RAPGEF5: variants seen among roughly 807,000 people sequenced by gnomAD.
RAPGEF5 encodes M-Ras-regulated GEF.
A neutral mutation model predicts 125.2 loss-of-function variants in RAPGEF5; 65 were observed. The ratio of observed to expected loss-of-function variants is 0.52; its 90% CI spans 0.43 to 0.64. The LOEUF (loss-of-function observed/expected upper bound fraction) is 0.64. Among genes scored for constraint, RAPGEF5 ranks in the 30% least tolerant of loss-of-function variants. RAPGEF5 has a pLI of 0.00. For missense variants in RAPGEF5, 958 were observed against 1,048.1 expected, an observed-to-expected ratio of 0.91 and a Z score of 1.19; for synonymous variants, 391 against 385.9, an observed-to-expected ratio of 1.01 and a Z score of -0.16.
chr7:22,156,968 A>C, intron 15 of RAPGEF5, 80 bp from the exon 16 acceptor site: 1 of 1,559,486 alleles, frequency 6.4e-7, no homozygotes, highest in Non-Finnish European at 8.7e-7. Flanking sequence ...AATATGTTCC[A>C]AAAGAACTAG....
chr7:22,292,734 A>G (rs572169199), intron 5 of RAPGEF5, among the ~76,000 whole-genome samples: 1 of 152,334 alleles, frequency 6.6e-6, no homozygotes, highest in South Asian at 2.1e-4. Context: ...CAAGAGAACA[A>G]AACAAGGGCT....
intron 7 of RAPGEF5, among the ~76,000 whole-genome samples, chr7:22,265,114 T>C (rs1445074456): frequency 6.6e-6 from 1 of 152,226 alleles, no homozygotes; most frequent in South Asian, 2.1e-4. Context: ...ATCATTTGTA[T>C]TGAGAACATT....
At chr7:22,162,373 G>C (rs752067192) in intron 13 of RAPGEF5, 24 bp downstream of exon 13, 1 of 1,537,026 alleles carries the variant, frequency 6.5e-7, no homozygotes, top group South Asian at 1.1e-5. Context: ...TGGCATCAAA[G>C]AATATCTGGA....
chr7:22,124,861 C>G (rs1782688438), intron 25 of RAPGEF5, among the ~76,000 whole-genome samples: 1 of 152,094 alleles, frequency 6.6e-6, no homozygotes, highest in South Asian at 2.1e-4. Flanking sequence ...ATAAGTGAAT[C>G]TCTCTGAGTC....
chr7:22,316,607 C>G (rs1471472762), intron 2 of RAPGEF5, among the ~76,000 whole-genome samples: 1 of 150,622 alleles, frequency 6.6e-6, no homozygotes, highest in African/African-American at 2.4e-5. Context: ...CCTCCCACCT[C>G]AGCCTCCTAA....
At chr7:22,274,819 A>C (rs970432862) in intron 6 of RAPGEF5, among the ~76,000 whole-genome samples, 4 of 152,190 alleles carry the variant, frequency 2.6e-5, no homozygotes, top group Non-Finnish European at 4.4e-5. Flanking sequence ...CTCTGCAGTC[A>C]GACTAAATCA....
chr7:22,176,685 T>C (rs1012206418), intron 11 of RAPGEF5, among the ~76,000 whole-genome samples: 2 of 152,058 alleles, frequency 1.3e-5, no homozygotes, highest in East Asian at 1.9e-4. Context: ...CCCACCACCA[T>C]GCCCGGGTAA....
chr7:22,255,735 A>T (rs1463920648), intron 7 of RAPGEF5, among the ~76,000 whole-genome samples: 3 of 152,132 alleles, frequency 2.0e-5, no homozygotes, highest in African/African-American at 7.3e-5. Flanking sequence ...TTTATCCTAG[A>T]AAGAGAGAAA....
At chr7:22,292,096 G>A (rs181424023) in intron 5 of RAPGEF5, among the ~76,000 whole-genome samples, 4 of 152,312 alleles carry the variant, frequency 2.6e-5, no homozygotes, top group East Asian at 1.9e-4. Context: ...GACAGGGGGC[G>A]GAGGGGGGAT....
chr7:22,324,135 A>G (rs976477796), intron 1 of RAPGEF5, among the ~76,000 whole-genome samples: 1 of 152,252 alleles, frequency 6.6e-6, no homozygotes, highest in African/African-American at 2.4e-5. Context: ...ATTATCGCCT[A>G]TCATGAGACA....
intron 3 of RAPGEF5, 114 bp downstream of exon 3, chr7:22,315,256 C>A: frequency 2.4e-6 from 3 of 1,242,448 alleles, no homozygotes; most frequent in Non-Finnish European, 2.1e-6. Flanking sequence ...AACAAACAAA[C>A]CCTCCTACTA....
At chr7:22,141,494 C>A (rs1211355398) in intron 20 of RAPGEF5, among the ~76,000 whole-genome samples, 1 of 152,214 alleles carries the variant, frequency 6.6e-6, no homozygotes, top group East Asian at 1.9e-4. Flanking sequence ...GCAGGCCCTG[C>A]CTACACTGGC....
At chr7:22,205,127 A>C (rs1014394529) in intron 9 of RAPGEF5, among the ~76,000 whole-genome samples, 1 of 152,234 alleles carries the variant, frequency 6.6e-6, no homozygotes, top group African/African-American at 2.4e-5. Context: ...AGAAGGTCAA[A>C]ATCCTCACGT....
intron 1 of RAPGEF5, among the ~76,000 whole-genome samples, chr7:22,344,461 TGAG>T (rs1784186109): frequency 6.6e-6 from 1 of 151,836 alleles, no homozygotes; most frequent in Non-Finnish European, 1.5e-5. Context: ...GTGACGCGAT[TGAG>T]GAGGGACTGC....
chr7:22,175,300 G>A (rs1264204207), intron 11 of RAPGEF5, among the ~76,000 whole-genome samples: 2 of 152,086 alleles, frequency 1.3e-5, no homozygotes, highest in South Asian at 2.1e-4. Flanking sequence ...CTTGGTGAAT[G>A]GTGGGGGCAT....
chr7:22,201,845 A>C (rs1234267616), intron 9 of RAPGEF5, among the ~76,000 whole-genome samples: 3 of 152,314 alleles, frequency 2.0e-5, no homozygotes, highest in Non-Finnish European at 4.4e-5. Flanking sequence ...TGGGAGTGGG[A>C]TGGAGGGTAG....
intron 24 of RAPGEF5, among the ~76,000 whole-genome samples, chr7:22,129,608 A>T (rs1391588285): frequency 6.6e-6 from 1 of 152,242 alleles, no homozygotes; most frequent in African/African-American, 2.4e-5. Flanking sequence ...ACACAGCAAC[A>T]CAAAACACGT....
rs886210104 is a variant in RAPGEF5, at chr7:22,193,054, A to G, written c.1204+313T>C. On this transcript the variant is annotated intron_variant, in intron 11 of 25. Coordinates refer to ENST00000665637, the MANE Select transcript of RAPGEF5 (RefSeq NM_012294.5). ...CTCCTTGTATTTCTTTCCATTGAAC[A>G]TGGGCTATTGAATGTTGGTCTCTTG... The G allele has an allele frequency of 2.3e-5, 10 of 435,358 alleles. No individual in the cohort carries two copies. In the Admixed American group the frequency reaches 2.7e-4, roughly 12 times the overall value. 27.0% of individuals were successfully genotyped at this position (435,358 alleles called of 1,614,324 possible). A position where few individuals can be genotyped will look rare whatever the true frequency, so the allele number is the denominator to read the frequency against.
At chr7:22,321,660 C>G (rs1783717668) in intron 1 of RAPGEF5, among the ~76,000 whole-genome samples, 1 of 152,210 alleles carries the variant, frequency 6.6e-6, no homozygotes, top group Non-Finnish European at 1.5e-5. Context: ...GAATTAAGTT[C>G]ATGACACAAC....
Sources: gnomAD v4.1 joint callset for allele counts (sites outside exome capture counted in the v4.1 genomes callset) on GRCh38, gnomAD v4.1.1 for gene constraint, MANE v1.5 for transcripts, NCBI Gene and HGNC (gene_info 2026-07-23, HGNC 2026-07-21) for gene names.